C21orf58: variants seen among roughly 807,000 people sequenced by gnomAD.
The protein encoded by C21orf58 is chromosome 21 open reading frame 58, also known as uncharacterized protein C21orf58.
A neutral mutation model predicts 35.8 loss-of-function variants in C21orf58; 34 were observed. The observed-to-expected ratio is 0.95, with a 90% CI of 0.72 to 1.26. C21orf58 has a LOEUF of 1.26. Among genes scored for constraint, C21orf58 ranks in the 50% most tolerant of loss-of-function variants. C21orf58 has a pLI of 0.00. For synonymous variants in C21orf58, 191 were observed against 175.8 expected, an observed-to-expected ratio of 1.09 and a Z score of -0.68; for missense variants, 440 against 414.3, an observed-to-expected ratio of 1.06 and a Z score of -0.54.
At chr21:46,318,732 G>A in intron 1 of C21orf58, 1 of 1,002,896 alleles carries the variant, frequency 1.0e-6, no homozygotes, top group African/African-American at 1.7e-5. Flanking sequence ...GTGACCTGCA[G>A]AGGGGCTGGG....
intron 6 of C21orf58, among the ~76,000 whole-genome samples, chr21:46,310,466 C>G (rs1045868183): frequency 1.4e-5 from 2 of 146,238 alleles, no homozygotes; most frequent in African/African-American, 5.2e-5. Flanking sequence ...GCAACAAGAG[C>G]GAGACTGTCT....
rs1480357414 is a variant in C21orf58 at position 46,302,382 on chromosome 21, C to A, written c.813+103G>T. ...TCACAGCCAGACTGTAGACCTGAGC[C>A]AGGAATGCCCTTTCAGAGCTACACA... On this transcript the variant is annotated intron_variant, in intron 7 of 7. Transcript: ENST00000291691. 1.3e-5 allele frequency: 14 copies of A among 1,098,934 alleles called. No homozygotes were observed. In the East Asian group the frequency reaches 3.1e-4, roughly 24 times the overall value. 68.1% of individuals were successfully genotyped at this position (1,098,934 alleles called of 1,614,324 possible). A position where few individuals can be genotyped will look rare whatever the true frequency, so the allele number is the denominator to read the frequency against.
intron 1 of C21orf58, 110 bp from the exon 2 acceptor site, chr21:46,318,330 AG>A: frequency 6.6e-7 from 1 of 1,510,814 alleles, no homozygotes; most frequent in Non-Finnish European, 8.8e-7. Flanking sequence ...TGCCAGACAC[AG>A]GGAGGCCCCA....
At position 46,311,553 on chromosome 21, in the gene C21orf58, A is replaced by G; in HGVS notation, c.624T>C (p.Pro208=). ...RIILPTVPQP[P]ATIIQQLPQQ... Reference sequence around the variant, plus strand: ...GAGGGAGCTGCTGAATGATGGTGGCAGGAGGCTGGGGGACCTAGGAACAGC... The same window carrying G: ...GAGGGAGCTGCTGAATGATGGTGGCGGGAGGCTGGGGGACCTAGGAACAGC... Residue 208 remains proline (P), a synonymous_variant, in exon 6 of 8, where the codon CCT becomes CCC. Transcript: ENST00000291691. 1.9e-6 allele frequency: 3 copies of G among 1,610,252 alleles called. No homozygotes were observed. The highest frequency in any genetic ancestry group is 2.5e-6 in the Non-Finnish European group (3 of 1,178,226).
intron 6 of C21orf58, among the ~76,000 whole-genome samples, chr21:46,305,607 G>A (rs970560228): frequency 6.6e-6 from 1 of 152,106 alleles, no homozygotes; most frequent in Non-Finnish European, 1.5e-5. Context: ...TGGGATTACA[G>A]ATATGAGCCA....
intron 5 of C21orf58, among the ~76,000 whole-genome samples, chr21:46,312,775 C>T (rs1267849010): frequency 6.6e-6 from 1 of 152,216 alleles, no homozygotes; most frequent in Admixed American, 6.5e-5. Context: ...GCATCTGGGG[C>T]AGACCCGTGG....
chr21:46,302,873 C>T (rs1452907270), intron 6 of C21orf58, among the ~76,000 whole-genome samples: 5 of 48,970 alleles, frequency 1.0e-4, no homozygotes, highest in Admixed American at 2.2e-4. Flanking sequence ...GCCCTGAGCC[C>T]GTCTGCACAC....
At chr21:46,305,312 TA>T (rs1158547065) in intron 6 of C21orf58, among the ~76,000 whole-genome samples, 1 of 150,816 alleles carries the variant, frequency 6.6e-6, no homozygotes, top group African/African-American at 2.4e-5. Context: ...TTTTTTTTTT[TA>T]ATCACAAATT....
chr21:46,305,903 C>T (rs2082395303), intron 6 of C21orf58, among the ~76,000 whole-genome samples: 1 of 151,750 alleles, frequency 6.6e-6, no homozygotes, highest in Admixed American at 6.6e-5. Flanking sequence ...GATTGCGCCA[C>T]TGCACTCCAG....
chr21:46,318,663 G>T, intron 1 of C21orf58: 2 of 1,063,502 alleles, frequency 1.9e-6, no homozygotes, highest in Non-Finnish European at 2.3e-6. Context: ...TGAGGAGACT[G>T]CCTACCAAGG....
rs2082115402 is a variant in C21orf58 at position 46,301,765 on chromosome 21, C to G, written c.*234G>C. The G allele has an allele frequency of 2.4e-6, 3 of 1,227,776 alleles. No individual in the cohort carries two copies. Among genetic ancestry groups the G allele is most frequent in the Middle Eastern group, 3.1e-4 (1 of 3,220 alleles). 76.1% of individuals were successfully genotyped at this position (1,227,776 alleles called of 1,614,324 possible). The stretch of plus-strand genomic sequence containing the variant: ...GGGGCTGTTGCCCTGGTGGGGTTCA[C>G]AGGCCCCTCACTGCAGGGGACCCGG... On this transcript the variant is annotated 3_prime_UTR_variant, in exon 8 of 8. Coordinates refer to ENST00000291691, the MANE Select transcript of C21orf58 (RefSeq NM_058180.5).
chr21:46,312,119 C>CCATT (rs1428891980), intron 5 of C21orf58, among the ~76,000 whole-genome samples: 1 of 152,106 alleles, frequency 6.6e-6, no homozygotes, highest in African/African-American at 2.4e-5. Context: ...ACCTACACAT[C>CCATT]CATTCATCCA....
At chr21:46,322,294 G>C (rs1439878916) in intron 1 of C21orf58, 1 of 262,894 alleles carries the variant, frequency 3.8e-6, no homozygotes, top group African/African-American at 2.3e-5. Context: ...CTATAAAAAA[G>C]AAAAGAAAAA....
intron 5 of C21orf58, among the ~76,000 whole-genome samples, chr21:46,314,374 G>A (rs759665123): frequency 5.3e-5 from 8 of 152,136 alleles, no homozygotes; most frequent in Admixed American, 2.6e-4. Context: ...CACCGCACCC[G>A]GCCAGTGATA....
chr21:46,303,978 C>G (rs1202700741), intron 6 of C21orf58, among the ~76,000 whole-genome samples: 1 of 142,588 alleles, frequency 7.0e-6, no homozygotes, highest in East Asian at 2.1e-4. Context: ...GTCTCGATCT[C>G]CTGACCTCAT....
chr21:46,317,405 G>A (rs948850321), intron 2 of C21orf58, 137 bp from the exon 3 acceptor site: 250 of 1,474,816 alleles, frequency 1.7e-4, no homozygotes, highest in Non-Finnish European at 1.6e-4. Flanking sequence ...GCCAACAGGC[G>A]GGAGTCAAGC....
Position 46,318,213 on chromosome 21 carries a change from A to T in C21orf58, c.108T>A (p.Ser36=), listed in dbSNP as rs144470839. The T allele has an allele frequency of 2.5e-6, 4 of 1,612,098 alleles. No individual in the cohort carries two copies. Among genetic ancestry groups the T allele is most frequent in the Admixed American group, 3.3e-5 (2 of 59,990 alleles). ...CTGCAGGGCGGGCCTTACCTCCTGGAGACCAGCCTGAGGGAAGAGAAGAGC... is the reference window on the plus strand; with the variant it reads ...CTGCAGGGCGGGCCTTACCTCCTGGTGACCAGCCTGAGGGAAGAGAAGAGC... The part of the protein sequence containing the change: ...DSGHSLLCGW[S]PGGKARPAGN... The change falls in exon 2 of 8, where the codon TCT becomes TCA. Residue 36 remains serine (S), a synonymous_variant. Transcript: ENST00000291691.
intron 1 of C21orf58, chr21:46,318,443 C>G: frequency 7.0e-7 from 1 of 1,419,842 alleles, no homozygotes; most frequent in Non-Finnish European, 9.2e-7. Flanking sequence ...TGGGCAGCAG[C>G]TGAGGCAGAG....
At chr21:46,308,191 G>A (rs775870651) in intron 6 of C21orf58, among the ~76,000 whole-genome samples, 4 of 152,036 alleles carry the variant, frequency 2.6e-5, no homozygotes, top group Admixed American at 6.6e-5. Context: ...GCCCAGGCGC[G>A]GTGGCTCACG....
Sources: allele counts gnomAD v4.1 joint callset (sites outside exome capture counted in the v4.1 genomes callset), GRCh38; gene constraint gnomAD v4.1.1; transcripts MANE v1.5; gene names NCBI Gene and HGNC (gene_info 2026-07-23, HGNC 2026-07-21).